The following OPRD1 variants were observed in gnomAD, a reference collection of about 807,000 sequenced individuals.
The protein encoded by OPRD1 is opioid receptor delta 1.
A neutral mutation model predicts 17.5 loss-of-function variants in OPRD1; 19 were observed. The observed-to-expected ratio is 1.09, with a 90% CI of 0.76 to 1.60. OPRD1 has a LOEUF of 1.60. Ranked by LOEUF, OPRD1 falls within the 40% of genes most tolerant of loss-of-function variation. The pLI is 0.00. For missense variants in OPRD1, 483 were observed against 547.2 expected, an observed-to-expected ratio of 0.88 and a Z score of 1.17; for synonymous variants, 256 against 240.9, an observed-to-expected ratio of 1.06 and a Z score of -0.58.
At chr1:28,830,927 T>C (rs1332199722) in intron 1 of OPRD1, among the ~76,000 whole-genome samples, 2 of 152,242 alleles carry the variant, frequency 1.3e-5, no homozygotes, top group African/African-American at 4.8e-5. Flanking sequence ...ATGAGGCCTT[T>C]TGGATCATTG....
intron 1 of OPRD1, among the ~76,000 whole-genome samples, chr1:28,843,775 C>T (rs1482104011): frequency 4.6e-5 from 7 of 152,074 alleles, no homozygotes; most frequent in Admixed American, 1.3e-4. Flanking sequence ...TGCATCACCA[C>T]GCCCGGCTAA....
At chr1:28,818,957 A>T (rs1375654208) in intron 1 of OPRD1, among the ~76,000 whole-genome samples, 4 of 150,970 alleles carry the variant, frequency 2.6e-5, no homozygotes, top group African/African-American at 9.8e-5. Context: ...TTTGGGTCAC[A>T]GGCCATGGGG....
intron 1 of OPRD1, among the ~76,000 whole-genome samples, chr1:28,839,764 T>G (rs7516162): frequency 6.6e-6 from 1 of 152,094 alleles, no homozygotes; most frequent in Non-Finnish European, 1.5e-5. Flanking sequence ...AGTAAACATT[T>G]CCCCCACGAC....
chr1:28,837,432 G>A (rs1242005714), intron 1 of OPRD1, among the ~76,000 whole-genome samples: 1 of 152,094 alleles, frequency 6.6e-6, no homozygotes, highest in African/African-American at 2.4e-5. Context: ...GGCAGATCAC[G>A]AGGTCAGGAG....
At position 28,859,143 on chromosome 1, in the gene OPRD1, C is replaced by T; in HGVS notation, c.417C>T (p.Leu139=). Reference sequence around the variant, plus strand: ...ATATGTTCACCAGCATCTTCACGCTCACCATGATGAGTGTTGACCGCTACA... The same window carrying T: ...ATATGTTCACCAGCATCTTCACGCTTACCATGATGAGTGTTGACCGCTACA... The part of the protein sequence containing the change: ...YYNMFTSIFT[L]TMMSVDRYIA... Residue 139 remains leucine, a synonymous_variant, in exon 2 of 3, where the codon CTC becomes CTT. Transcript: ENST00000234961. 6.2e-7 allele frequency: 1 copy of T among 1,614,288 alleles called. No homozygotes were observed. The highest frequency in any genetic ancestry group is 8.5e-7 in the Non-Finnish European group (1 of 1,180,058).
At chr1:28,820,169 T>A (rs936007888) in intron 1 of OPRD1, among the ~76,000 whole-genome samples, 1 of 152,022 alleles carries the variant, frequency 6.6e-6, no homozygotes, top group African/African-American at 2.4e-5. Context: ...TTGATTGACA[T>A]TTATCGAGCC....
At chr1:28,812,711 T>C (rs2088642946) in intron 1 of OPRD1, 101 bp downstream of exon 1, 2 of 1,087,124 alleles carry the variant, frequency 1.8e-6, no homozygotes, top group Admixed American at 4.0e-5. Flanking sequence ...TCCCCGCGCC[T>C]CCGCATTTCC....
chr1:28,834,606 T>C (rs1569622297), intron 1 of OPRD1, among the ~76,000 whole-genome samples: 1 of 150,132 alleles, frequency 6.7e-6, no homozygotes, highest in African/African-American at 2.5e-5. Flanking sequence ...TCTCGAACTC[T>C]TGAGCTCAAG....
chr1:28,828,353 T>G (rs2088783198), intron 1 of OPRD1, among the ~76,000 whole-genome samples: 1 of 152,156 alleles, frequency 6.6e-6, no homozygotes, highest in Admixed American at 6.6e-5. Context: ...AACAGTGGGC[T>G]TAAAATACTC....
At chr1:28,836,167 G>A (rs781357876) in intron 1 of OPRD1, among the ~76,000 whole-genome samples, 10 of 152,106 alleles carry the variant, frequency 6.6e-5, no homozygotes, top group Non-Finnish European at 1.3e-4. Flanking sequence ...TAGCCCCTTC[G>A]TATAGTTCCC....
intron 1 of OPRD1, among the ~76,000 whole-genome samples, chr1:28,851,867 A>G (rs2089006877): frequency 6.9e-6 from 1 of 144,966 alleles, no homozygotes; most frequent in Admixed American, 7.0e-5. Flanking sequence ...AAAAAAAGAA[A>G]AAAAAAAAAA....
chr1:28,850,385 A>C (rs797399), intron 1 of OPRD1, among the ~76,000 whole-genome samples: 1 of 151,696 alleles, frequency 6.6e-6, no homozygotes, highest in Non-Finnish European at 1.5e-5. Flanking sequence ...GTGTAGTGGC[A>C]CAATCTCAGC....
chr1:28,850,534 G>T (rs1223633724), intron 1 of OPRD1, among the ~76,000 whole-genome samples: 1 of 151,492 alleles, frequency 6.6e-6, no homozygotes, highest in African/African-American at 2.4e-5. Context: ...TGTTGGTCAG[G>T]CTGGTCTCCA....
At chr1:28,836,717 G>A (rs2088856366) in intron 1 of OPRD1, among the ~76,000 whole-genome samples, 1 of 152,016 alleles carries the variant, frequency 6.6e-6, no homozygotes, top group Non-Finnish European at 1.5e-5. Flanking sequence ...TCTGTGTCTT[G>A]TGTCCTTTGT....
chr1:28,864,772 G>T lies in OPRD1; in HGVS notation c.*1489G>T, dbSNP rs941293313. ...CTCTTGAGGGCGGGGGGCGGGGTAT[G>T]AGAAGCATCAGTTCGCACTTGGTGC... On this transcript the variant is annotated 3_prime_UTR_variant, in exon 3 of 3. Transcript: ENST00000234961. 6.7e-6 allele frequency: 1 copy of T among 150,338 alleles called. No individual in the cohort carries two copies. Among genetic ancestry groups the T allele is most frequent in the African/African-American group, 2.4e-5 (1 of 40,902 alleles). 9.3% of individuals were successfully genotyped at this position (150,338 alleles called of 1,614,324 possible). A position where few individuals can be genotyped will look rare whatever the true frequency, so the allele number is the denominator to read the frequency against.
intron 1 of OPRD1, among the ~76,000 whole-genome samples, chr1:28,820,193 ATTTTTT>A (rs1271417329): frequency 7.8e-6 from 1 of 128,892 alleles, no homozygotes; most frequent in Non-Finnish European, 1.7e-5. Flanking sequence ...GAGGAACTAG[ATTTTTT>A]TTTTTTTTTT....
intron 1 of OPRD1, among the ~76,000 whole-genome samples, chr1:28,836,436 C>T (rs2088853986): frequency 1.3e-5 from 2 of 151,494 alleles, no homozygotes; most frequent in Admixed American, 1.3e-4. Context: ...GTAGCTTGAA[C>T]CTGGGAGAGG....
chr1:28,820,192 GAT>G (rs1557568444), intron 1 of OPRD1, among the ~76,000 whole-genome samples: 1 of 145,416 alleles, frequency 6.9e-6, no homozygotes, highest in Non-Finnish European at 1.5e-5. Context: ...AGAGGAACTA[GAT>G]TTTTTTTTTT....
At chr1:28,861,957 G>A (rs2089126755) in intron 2 of OPRD1, among the ~76,000 whole-genome samples, 2 of 150,224 alleles carry the variant, frequency 1.3e-5, no homozygotes, top group South Asian at 4.2e-4. Flanking sequence ...TGTCGCCCAG[G>A]CTGGAGTCCA....
Sources: allele counts gnomAD v4.1 joint callset (sites outside exome capture counted in the v4.1 genomes callset), GRCh38; gene constraint gnomAD v4.1.1; transcripts MANE v1.5; gene names NCBI Gene and HGNC (gene_info 2026-07-23, HGNC 2026-07-21).